The following SEMA4D variants were observed in gnomAD, a reference collection of about 807,000 sequenced individuals.
The protein encoded by SEMA4D is semaphorin 4D.
A neutral mutation model predicts 74.8 loss-of-function variants in SEMA4D; 22 were observed. The ratio of observed to expected loss-of-function variants is 0.29; its 90% CI spans 0.21 to 0.42. SEMA4D has a LOEUF of 0.42. SEMA4D is among the 10% of genes least tolerant of loss of function. The pLI is 1.00. For synonymous variants in SEMA4D, 445 were observed against 463.7 expected, an observed-to-expected ratio of 0.96 and a Z score of 0.52; for missense variants, 937 against 1,118.4, an observed-to-expected ratio of 0.84 and a Z score of 2.31.
chr9:89,431,902 T>C (rs1485806965), intron 2 of SEMA4D, among the ~76,000 whole-genome samples: 1 of 152,218 alleles, frequency 6.6e-6, no homozygotes, highest in Non-Finnish European at 1.5e-5. Flanking sequence ...GCCCCTCCCT[T>C]GGCCAGACTG....
At chr9:89,452,314 G>T (rs1351179819) in intron 2 of SEMA4D, among the ~76,000 whole-genome samples, 1 of 151,802 alleles carries the variant, frequency 6.6e-6, no homozygotes, top group Non-Finnish European at 1.5e-5. Flanking sequence ...AAGCAGCTGG[G>T]ACTATAGGCG....
At chr9:89,363,807 G>A (rs776947249) in exon 17 of SEMA4D, 5 of 1,614,046 alleles carry the variant, frequency 3.1e-6, no homozygotes, top group Middle Eastern at 1.6e-4. Context: ...ACAGAGCAGC[G>A]ATACTCAGCG....
In SEMA4D at chr9:89,492,835, T is replaced by C. The variant is rs1226563372; in HGVS notation, c.-310+5084A>G. Among the ~76,000 whole-genome samples the C allele has an allele frequency of 1.3e-5, 2 of 152,122 alleles. No homozygotes were observed. Among genetic ancestry groups the C allele is most frequent in the East Asian group, 1.9e-4 (1 of 5,200 alleles). ...CGCACCGCCCTCCTACCATTGCTCA[T>C]GTGTGCCTAAGTGTCCCCTCACCAC... is the stretch of plus-strand genomic sequence containing the variant. On this transcript the variant is annotated intron_variant, in intron 1 of 15. Transcript: ENST00000422704. This position sits in a 1 kb window ranked among gnomAD's most constrained non-coding sequence, Gnocchi z 4.3.
In SEMA4D at chr9:89,392,550, G is replaced by GAAGA; in HGVS notation, c.509-18_509-15dup. ...AAAGTTCTCCATCTGCAGGGGCCCA[G>GAAGA]AAGAAAAGAGGAAAAGGGAACCAAC... On this transcript the variant is annotated splice_polypyrimidine_tract_variant and intron_variant, in intron 7 of 15. Transcript: ENST00000422704. 6.4e-7 allele frequency: 1 copy of GAAGA among 1,567,960 alleles called. No individual in the cohort carries two copies. The highest frequency in any genetic ancestry group is 8.8e-7 in the Non-Finnish European group (1 of 1,138,068).
intron 2 of SEMA4D, among the ~76,000 whole-genome samples, chr9:89,415,670 G>A (rs370496060): frequency 6.6e-6 from 1 of 152,158 alleles, no homozygotes; most frequent in Non-Finnish European, 1.5e-5. Flanking sequence ...ATCTGCCAGC[G>A]CCTTGATCTT....
chr9:89,442,626 A>AT (rs1226319623), intron 2 of SEMA4D, among the ~76,000 whole-genome samples: 4 of 152,122 alleles, frequency 2.6e-5, no homozygotes, highest in Non-Finnish European at 5.9e-5. Context: ...GGAAAAGACA[A>AT]TGAGTTTCAC....
intron 2 of SEMA4D, among the ~76,000 whole-genome samples, chr9:89,427,022 C>T (rs553951846): frequency 1.3e-5 from 2 of 152,286 alleles, no homozygotes; most frequent in East Asian, 3.9e-4. Flanking sequence ...ATATGGATGG[C>T]CAGAATTTCA....
At chr9:89,412,536 G>A (rs1162771360) in intron 2 of SEMA4D, among the ~76,000 whole-genome samples, 1 of 152,224 alleles carries the variant, frequency 6.6e-6, no homozygotes. Context: ...TCCAGACACT[G>A]CCATGTAGAG....
At chr9:89,385,866 G>GGGGGGGGCCCCCCCCCCCCCCCC in intron 13 of SEMA4D, 1 of 196,226 alleles carries the variant, frequency 5.1e-6, no homozygotes, top group Non-Finnish European at 9.0e-6. Flanking sequence ...CAGCGTGGAT[G>GGGGGGGGCCCCCCCCCCCCCCCC]CCCGCCCACC....
At chr9:89,446,040 C>T (rs1226283577) in intron 2 of SEMA4D, among the ~76,000 whole-genome samples, 1 of 152,146 alleles carries the variant, frequency 6.6e-6, no homozygotes, top group Non-Finnish European at 1.5e-5. Flanking sequence ...CATCCTGCTT[C>T]CCAGGCAACA....
intron 1 of SEMA4D, among the ~76,000 whole-genome samples, chr9:89,465,075 C>A (rs1393815854): frequency 6.6e-6 from 1 of 152,180 alleles, no homozygotes; most frequent in Non-Finnish European, 1.5e-5. Context: ...GCAAAGAGGA[C>A]CAGCCCAGGA....
chr9:89,417,590 A>T (rs1446644400), intron 2 of SEMA4D, among the ~76,000 whole-genome samples: 11 of 152,246 alleles, frequency 7.2e-5, no homozygotes, highest in Admixed American at 7.2e-4. Context: ...CTGAAAATGC[A>T]TGGCTTGGAA....
intron 1 of SEMA4D, among the ~76,000 whole-genome samples, chr9:89,468,066 G>A (rs951705173): frequency 2.6e-5 from 4 of 152,214 alleles, no homozygotes; most frequent in African/African-American, 9.7e-5. Flanking sequence ...GACTAGGGTA[G>A]TCGTGGTGTT....
intron 2 of SEMA4D, among the ~76,000 whole-genome samples, chr9:89,439,825 T>C (rs1370218569): frequency 6.6e-6 from 1 of 152,214 alleles, no homozygotes; most frequent in Non-Finnish European, 1.5e-5. Context: ...AAGTCAGTGA[T>C]GCCCCCACTT....
chr9:89,391,550 GC>G, intron 8 of SEMA4D, 135 bp from the exon 9 acceptor site: 1 of 789,868 alleles, frequency 1.3e-6, no homozygotes, highest in Non-Finnish European at 2.0e-6. Flanking sequence ...GTGTGCACAT[GC>G]CACAATCCAA....
At chr9:89,472,299 C>T (rs1860570389) in intron 1 of SEMA4D, 3 of 419,992 alleles carry the variant, frequency 7.1e-6, no homozygotes, top group South Asian at 5.8e-5. Flanking sequence ...CGTAAGAACT[C>T]GATGAAGGCC....
At position 89,380,207 on chromosome 9, in the gene SEMA4D, A is replaced by T. The variant is rs1029178315; in HGVS notation, c.1664-578T>A. Among the ~76,000 whole-genome samples the T allele has an allele frequency of 2.0e-5, 3 of 151,564 alleles. No homozygotes were observed. In the South Asian group the frequency reaches 6.2e-4, roughly 32 times the overall value. On this transcript the variant is annotated intron_variant, in intron 15 of 15. Transcript: ENST00000422704. ...ACCTCCAGGCCTGGCTAATTTTTGT[A>T]TTTTTTGTAGAGACAGGGTCTCACC... is the stretch of plus-strand genomic sequence containing the variant.
At chr9:89,454,792 G>A (rs1214652702) in intron 2 of SEMA4D, among the ~76,000 whole-genome samples, 1 of 152,162 alleles carries the variant, frequency 6.6e-6, no homozygotes, top group East Asian at 1.9e-4. Context: ...GGCCACCCTC[G>A]GGGTGGCGAA....
chr9:89,473,693 A>G (rs999013788), intron 1 of SEMA4D, among the ~76,000 whole-genome samples: 10 of 152,010 alleles, frequency 6.6e-5, no homozygotes, highest in Non-Finnish European at 1.3e-4. Flanking sequence ...CGTCTCTACT[A>G]AAAATACAAA....
Sources: gnomAD v4.1 joint callset for allele counts (sites outside exome capture counted in the v4.1 genomes callset) on GRCh38, gnomAD v4.1.1 for gene constraint, Gnocchi (gnomAD v3.1) non-coding constraint, MANE v1.5 for transcripts, NCBI Gene and HGNC (gene_info 2026-07-23, HGNC 2026-07-21) for gene names.